KIF6: variants seen among roughly 807,000 people sequenced by gnomAD.
The protein encoded by KIF6 is kinesin family member 6.
Under a neutral mutation model 112.7 loss-of-function variants are expected in KIF6, and 106 were observed. The observed-to-expected ratio is 0.94, with a 90% CI of 0.80 to 1.11. The LOEUF (loss-of-function observed/expected upper bound fraction) is 1.11, where lower values mean the gene tolerates loss of function less well. Among genes scored for constraint, KIF6 ranks in the 50% least tolerant of loss-of-function variants. The probability of loss-of-function intolerance (pLI) is 0.00; values close to 1 mark genes in which losing one functional copy is unlikely to be tolerated. For missense variants in KIF6, 929 were observed against 964.0 expected (o/e 0.96, Z 0.48); for synonymous variants, 339 against 339.9 (o/e 1.00, Z 0.03).
intron 3 of KIF6, chr6:39,691,375 C>A (rs1463232319): frequency 6.6e-6 from 1 of 152,142 alleles, no homozygotes; most frequent in African/African-American, 2.4e-5. Context: ...AGCCTAAGGG[C>A]AAGTGAATAT....
intron 12 of KIF6, among the ~76,000 whole-genome samples, chr6:39,541,791 T>C (rs919968424): frequency 2.0e-5 from 3 of 152,134 alleles, no homozygotes; most frequent in African/African-American, 7.2e-5. Flanking sequence ...AGCTGAGATC[T>C]GAGCCATAAG....
intron 10 of KIF6, among the ~76,000 whole-genome samples, chr6:39,577,783 A>G (rs1181699973): frequency 2.0e-5 from 3 of 152,194 alleles, no homozygotes; most frequent in Non-Finnish European, 4.4e-5. Flanking sequence ...TGACTATTAT[A>G]CAATTCCTTT....
At chr6:39,613,404 A>G (rs1016731601) in intron 5 of KIF6, 86 bp from the exon 6 acceptor site, 1 of 1,063,794 alleles carries the variant, frequency 9.4e-7, no homozygotes, top group Non-Finnish European at 1.3e-6. Flanking sequence ...AAAAAGCTGT[A>G]TAGTATGACG....
At chr6:39,583,762 A>C (rs563986150) in intron 9 of KIF6, among the ~76,000 whole-genome samples, 1 of 148,852 alleles carries the variant, frequency 6.7e-6, no homozygotes, top group East Asian at 2.0e-4. Context: ...GAAATAAGAA[A>C]AACTGAGTGA....
intron 13 of KIF6, among the ~76,000 whole-genome samples, chr6:39,437,634 C>T (rs1439286046): frequency 6.6e-6 from 1 of 152,228 alleles, no homozygotes; most frequent in African/African-American, 2.4e-5. Flanking sequence ...GCACCATCTT[C>T]TCCCCAGTAC....
rs5875674 is a variant in KIF6, at chr6:39,632,182, GAA to G, written c.509+2665_509+2666del. ...AAGTGGTACATCTTATAATGTAAAA[GAA>G]AAAAAAAATAGAAAAGGCAGAGTGT... On this transcript the variant is annotated intron_variant, in intron 5 of 22. Coordinates refer to ENST00000287152, the MANE Select transcript of KIF6 (RefSeq NM_145027.6). Among the ~76,000 whole-genome samples, 8 of 150,268 alleles carry G rather than the reference GAA, an allele frequency of 5.3e-5. No individual in the cohort carries two copies. In the South Asian group the frequency reaches 8.4e-4, roughly 16 times the overall value.
chr6:39,518,076 T>C (rs949693589), intron 13 of KIF6, among the ~76,000 whole-genome samples: 1 of 152,208 alleles, frequency 6.6e-6, no homozygotes, highest in Admixed American at 6.5e-5. Context: ...CTTGATGGAA[T>C]TAAAAATGGA....
At chr6:39,651,834 C>T (rs1213896102) in intron 3 of KIF6, among the ~76,000 whole-genome samples, 1 of 152,126 alleles carries the variant, frequency 6.6e-6, no homozygotes, top group African/African-American at 2.4e-5. Context: ...CATGGATACA[C>T]AACGATCTAA....
intron 3 of KIF6, among the ~76,000 whole-genome samples, chr6:39,669,731 C>T (rs564772336): frequency 2.5e-4 from 38 of 152,326 alleles, no homozygotes; most frequent in Middle Eastern, 3.4e-3. Flanking sequence ...CGGGGCAGCA[C>T]GAGGTGGGCG....
chr6:39,593,094 T>C (rs1165360262), intron 7 of KIF6, among the ~76,000 whole-genome samples: 1 of 152,240 alleles, frequency 6.6e-6, no homozygotes, highest in African/African-American at 2.4e-5. Context: ...TTTGCTGTTC[T>C]GCTGGCTAAC....
intron 5 of KIF6, among the ~76,000 whole-genome samples, chr6:39,620,874 T>C (rs1490494147): frequency 6.6e-6 from 1 of 152,134 alleles, no homozygotes; most frequent in Admixed American, 6.6e-5. Flanking sequence ...GTTCAAGCGA[T>C]TCTCCTGCCT....
rs937558690 is a variant in KIF6 at position 39,333,153 on chromosome 6, G to C, written c.*3379C>G. On this transcript the variant is annotated 3_prime_UTR_variant, in exon 23 of 23. Transcript: ENST00000287152. ...TTGCTTCATCATGGCTGTAGGTGGTGGTCCTGCTTTTCCATATACAGGATG... is the reference window on the plus strand; with the variant it reads ...TTGCTTCATCATGGCTGTAGGTGGTCGTCCTGCTTTTCCATATACAGGATG... 6.6e-6 allele frequency: 1 copy of C among 152,158 alleles called. No homozygotes were observed. Among genetic ancestry groups the C allele is most frequent in the Middle Eastern group, 3.2e-3 (1 of 316 alleles). The allele number at this position is 152,158 out of a possible 1,614,324, so 9.4% of individuals were successfully genotyped here. A position where few individuals can be genotyped will look rare whatever the true frequency, so the allele number is the denominator to read the frequency against.
chr6:39,715,687 C>T (rs533383220), intron 2 of KIF6, among the ~76,000 whole-genome samples: 4 of 151,954 alleles, frequency 2.6e-5, no homozygotes, highest in South Asian at 4.2e-4. Flanking sequence ...TTTTCAGTAG[C>T]GACAGAGTTT....
At chr6:39,519,142 A>G (rs1174811211) in intron 13 of KIF6, among the ~76,000 whole-genome samples, 1 of 152,180 alleles carries the variant, frequency 6.6e-6, no homozygotes, top group East Asian at 1.9e-4. Context: ...GGGGGTACCG[A>G]GACAGAAAAT....
At chr6:39,595,863 A>G (rs971932051) in intron 7 of KIF6, among the ~76,000 whole-genome samples, 191 bp downstream of exon 7, 1 of 152,216 alleles carries the variant, frequency 6.6e-6, no homozygotes, top group Non-Finnish European at 1.5e-5. Context: ...GGATAGTGCC[A>G]ATGGTTATAC....
At chr6:39,435,128 G>C (rs976214622) in intron 13 of KIF6, among the ~76,000 whole-genome samples, 3 of 152,122 alleles carry the variant, frequency 2.0e-5, no homozygotes, top group Non-Finnish European at 4.4e-5. Flanking sequence ...AGTTTTTCCA[G>C]GGAAAGTAGG....
At chr6:39,618,656 G>A (rs1359867867) in intron 5 of KIF6, among the ~76,000 whole-genome samples, 1 of 152,160 alleles carries the variant, frequency 6.6e-6, no homozygotes, top group Non-Finnish European at 1.5e-5. Flanking sequence ...TAATTAAAAG[G>A]TTTTTAAAAA....
chr6:39,355,133 C>T (rs1179778023), intron 19 of KIF6, among the ~76,000 whole-genome samples: 1 of 152,126 alleles, frequency 6.6e-6, no homozygotes, highest in Non-Finnish European at 1.5e-5. Flanking sequence ...CTGCAGTGAG[C>T]CGTGATCACA....
intron 13 of KIF6, among the ~76,000 whole-genome samples, chr6:39,432,434 T>C (rs1562211718): frequency 6.6e-6 from 1 of 152,120 alleles, no homozygotes; most frequent in Non-Finnish European, 1.5e-5. Flanking sequence ...TGGAAAAAAC[T>C]CTCTGAGTCC....
Sources: gnomAD v4.1 joint callset for allele counts (sites outside exome capture counted in the v4.1 genomes callset) on GRCh38, gnomAD v4.1.1 for gene constraint, MANE v1.5 for transcripts, NCBI Gene and HGNC (gene_info 2026-07-23, HGNC 2026-07-21) for gene names.